The following MAGI2 variants were observed in gnomAD, a reference collection of about 807,000 sequenced individuals.
The protein encoded by MAGI2 is membrane associated guanylate kinase, WW and PDZ domain containing 2.
In MAGI2, 35 loss-of-function variants were observed where a neutral mutation model predicts 133.3. The observed-to-expected ratio is 0.26, with a 90% CI of 0.20 to 0.35. The LOEUF is 0.35. MAGI2 is among the 10% of genes least tolerant of loss of function. MAGI2 has a pLI of 1.00. For synonymous variants in MAGI2, 729 were observed against 710.6 expected (o/e 1.03, Z -0.41); for missense variants, 1,636 against 1,863.4 (o/e 0.88, Z 2.25).
At chr7:79,254,201 G>C (rs2129555899) in intron 1 of MAGI2, among the ~76,000 whole-genome samples, 1 of 151,944 alleles carries the variant, frequency 6.6e-6, no homozygotes, top group South Asian at 2.1e-4. Context: ...CATATTCTTT[G>C]ACCATTTTTC....
chr7:78,635,937 A>C (rs1334185093), intron 2 of MAGI2, among the ~76,000 whole-genome samples: 4 of 152,214 alleles, frequency 2.6e-5, no homozygotes. Flanking sequence ...GTTTTATACA[A>C]ACATAGAGCT....
chr7:78,977,399 G>A (rs1804355479), intron 2 of MAGI2, among the ~76,000 whole-genome samples: 1 of 150,860 alleles, frequency 6.6e-6, no homozygotes, highest in Admixed American at 6.7e-5. Context: ...GACAGAAAGA[G>A]AGAAAGAGAG....
intron 9 of MAGI2, among the ~76,000 whole-genome samples, chr7:78,338,965 T>G (rs979749936): frequency 6.7e-6 from 1 of 149,364 alleles, no homozygotes; most frequent in Non-Finnish European, 1.5e-5. Flanking sequence ...GGCAACATAG[T>G]GAGACCCCAT....
intron 21 of MAGI2, among the ~76,000 whole-genome samples, chr7:78,050,207 T>C (rs748594781): frequency 3.9e-5 from 6 of 152,224 alleles, no homozygotes; most frequent in Non-Finnish European, 5.9e-5. Context: ...TCTGTGTTTA[T>C]ATAACACATT....
intron 1 of MAGI2, among the ~76,000 whole-genome samples, chr7:79,086,769 T>C (rs1242760087): frequency 1.3e-5 from 2 of 151,814 alleles, no homozygotes; most frequent in East Asian, 1.9e-4. Context: ...AAAATGTAGG[T>C]AATTATAAAA....
At chr7:78,229,084 A>G (rs1483886122) in intron 10 of MAGI2, among the ~76,000 whole-genome samples, 1 of 152,240 alleles carries the variant, frequency 6.6e-6, no homozygotes, top group Admixed American at 6.5e-5. Flanking sequence ...TCTGATCTAT[A>G]GACCATCATG....
rs1223789031 is a variant in MAGI2 at position 79,212,172 on chromosome 7, T to C, written c.302-204966A>G. Among the ~76,000 whole-genome samples the C allele has an allele frequency of 2.0e-5, 3 of 152,234 alleles. No homozygotes were observed. In the East Asian group the frequency reaches 5.8e-4, roughly 29 times the overall value. ...CACTTAATAATATAGCTTGGAGCGC[T>C]CTTTACATCAGAATACAAAGATGTT... On this transcript the variant is annotated intron_variant, in intron 1 of 21. Coordinates refer to ENST00000354212, the MANE Select transcript of MAGI2 (RefSeq NM_012301.4).
intron 1 of MAGI2, among the ~76,000 whole-genome samples, chr7:79,363,737 T>C (rs1842513733): frequency 6.7e-6 from 1 of 149,562 alleles, no homozygotes; most frequent in Admixed American, 6.7e-5. Flanking sequence ...AAAAAGCTTC[T>C]GCATAGCTCA....
chr7:79,253,580 T>C (rs777189022), intron 1 of MAGI2, among the ~76,000 whole-genome samples: 1 of 151,930 alleles, frequency 6.6e-6, no homozygotes, highest in East Asian at 1.9e-4. Flanking sequence ...GAAGCCGAGG[T>C]TTCAGTGAGC....
intron 2 of MAGI2, among the ~76,000 whole-genome samples, chr7:78,921,865 T>A (rs1467533007): frequency 6.6e-6 from 1 of 152,132 alleles, no homozygotes; most frequent in Non-Finnish European, 1.5e-5. Context: ...ACTAGTGACC[T>A]CAGGTGATCC....
At chr7:78,838,610 C>T (rs184107063) in intron 2 of MAGI2, among the ~76,000 whole-genome samples, 7 of 151,476 alleles carry the variant, frequency 4.6e-5, no homozygotes, top group South Asian at 4.2e-4. Flanking sequence ...TATGGCCAAA[C>T]GTTTCACTGT....
intron 1 of MAGI2, among the ~76,000 whole-genome samples, chr7:79,201,165 A>G (rs1199100772): frequency 2.0e-5 from 3 of 152,028 alleles, no homozygotes; most frequent in Non-Finnish European, 4.4e-5. Context: ...TTTTAGCAAA[A>G]GGTTCTGAGA....
At chr7:78,796,878 C>T (rs1787663260) in intron 2 of MAGI2, among the ~76,000 whole-genome samples, 1 of 152,072 alleles carries the variant, frequency 6.6e-6, no homozygotes, top group Non-Finnish European at 1.5e-5. Context: ...TAGCCAGGCA[C>T]AGAAAGACAA....
chr7:78,791,081 A>G (rs973611420), intron 2 of MAGI2, among the ~76,000 whole-genome samples: 9 of 152,182 alleles, frequency 5.9e-5, no homozygotes, highest in African/African-American at 2.2e-4. Context: ...GAAAGCAAAA[A>G]TGGTATGTTG....
intron 1 of MAGI2, among the ~76,000 whole-genome samples, chr7:79,035,100 A>G (rs1810987153): frequency 6.6e-6 from 1 of 152,046 alleles, no homozygotes; most frequent in South Asian, 2.1e-4. Flanking sequence ...ATTGAAAAGC[A>G]TGAAATCCTT....
chr7:78,274,329 A>G (rs1017302139), intron 9 of MAGI2, among the ~76,000 whole-genome samples: 3 of 152,078 alleles, frequency 2.0e-5, no homozygotes, highest in Non-Finnish European at 4.4e-5. Context: ...CCAGAGGGGC[A>G]CCTGCAGATG....
chr7:79,147,410 C>T (rs907610233), intron 1 of MAGI2, among the ~76,000 whole-genome samples: 3 of 152,172 alleles, frequency 2.0e-5, no homozygotes, highest in African/African-American at 7.2e-5. Flanking sequence ...GTAGTGGATC[C>T]TCCTCTAGCC....
At chr7:78,700,091 G>A (rs967256420) in intron 2 of MAGI2, among the ~76,000 whole-genome samples, 2 of 152,094 alleles carry the variant, frequency 1.3e-5, no homozygotes, top group Non-Finnish European at 2.9e-5. Flanking sequence ...AAAAAGCCAA[G>A]CAATCAGTAA....
intron 9 of MAGI2, among the ~76,000 whole-genome samples, chr7:78,289,204 CT>C (rs1325284783): frequency 6.6e-6 from 1 of 151,998 alleles, no homozygotes; most frequent in Non-Finnish European, 1.5e-5. Context: ...AAGCTAAAAC[CT>C]TGAAAAAAGA....
Sources: gnomAD v4.1 joint callset for allele counts (sites outside exome capture counted in the v4.1 genomes callset) on GRCh38, gnomAD v4.1.1 for gene constraint, MANE v1.5 for transcripts, NCBI Gene and HGNC (gene_info 2026-07-23, HGNC 2026-07-21) for gene names.